The following PHACTR2 variants were observed in gnomAD, a reference collection of about 807,000 sequenced individuals.
PHACTR2 encodes phosphatase and actin regulator 2.
Under a neutral mutation model 76.0 loss-of-function variants are expected in PHACTR2, and 30 were observed. The observed-to-expected ratio is 0.39, with a 90% CI of 0.30 to 0.54. The LOEUF is 0.54. PHACTR2 is among the 20% of genes least tolerant of loss of function. The probability of loss-of-function intolerance (pLI) is 0.61; values close to 1 mark genes in which losing one functional copy is unlikely to be tolerated. For missense variants in PHACTR2, 696 were observed against 781.1 expected (o/e 0.89, Z 1.30); for synonymous variants, 292 against 292.5 (o/e 1.00, Z 0.02).
intron 1 of PHACTR2, among the ~76,000 whole-genome samples, chr6:143,538,852 A>T (rs760617317): frequency 6.6e-6 from 1 of 152,230 alleles, no homozygotes; most frequent in Non-Finnish European, 1.5e-5. Flanking sequence ...GAATAGAGGT[A>T]GTGGGATTTG....
Position 143,616,157 on chromosome 6 carries a change from A to G in PHACTR2, c.13+7835A>G, listed in dbSNP as rs893996731. Among the ~76,000 whole-genome samples the G allele has an allele frequency of 1.3e-5, 2 of 152,184 alleles. No individual in the cohort carries two copies. Among genetic ancestry groups the G allele is most frequent in the Non-Finnish European group, 2.9e-5 (2 of 68,044 alleles). ...TTTTTATAGATAATTCCCAACATCC[A>G]GCTATCTCCCCAAAATTATTTTGAA... On this transcript the variant is annotated intron_variant, in intron 1 of 11. Transcript: ENST00000305766. This position sits in a 1 kb window ranked among gnomAD's most constrained non-coding sequence, Gnocchi z 4.9.
Position 143,679,910 on chromosome 6 carries a change from G to A in PHACTR2, c.46+1701G>A, listed in dbSNP as rs1777347332. Among the ~76,000 whole-genome samples, 1 of 152,154 alleles carries A rather than the reference G, an allele frequency of 6.6e-6. No homozygotes were observed. The highest frequency in any genetic ancestry group is 2.1e-4 in the South Asian group (1 of 4,832). On this transcript the variant is annotated intron_variant, in intron 1 of 12. Transcript: ENST00000440869. The surrounding 1 kb of genome is among the most constrained non-coding windows in gnomAD (Gnocchi z 4.6). The stretch of plus-strand genomic sequence containing the variant: ...TCAGAGAAATATCTCACGGAACGGT[G>A]TTATACTTAAATTGCAGGTCCTCAG...
At chr6:143,813,816 T>C (rs1041559126) in intron 12 of PHACTR2, among the ~76,000 whole-genome samples, 3 of 152,152 alleles carry the variant, frequency 2.0e-5, no homozygotes, top group Non-Finnish European at 4.4e-5. Context: ...TTTCTCATGT[T>C]GAGACTGAGA....
At position 143,823,136 on chromosome 6, in the gene PHACTR2, A is replaced by G. The variant is rs1417662074; in HGVS notation, c.1923-538A>G. Among the ~76,000 whole-genome samples the G allele has an allele frequency of 6.6e-6, 1 of 152,260 alleles. No individual in the cohort carries two copies. The highest frequency in any genetic ancestry group is 2.1e-4 in the South Asian group (1 of 4,834). On this transcript the variant is annotated intron_variant, in intron 12 of 12. Coordinates refer to ENST00000440869, the MANE Select transcript of PHACTR2 (RefSeq NM_001100164.2). This position sits in a 1 kb window ranked among gnomAD's most constrained non-coding sequence, Gnocchi z 5.7. ...CAGGTTAACAAGGAAAGCTTTGTAT[A>G]GTTGTGGACATGCTTAGTATATACC...
Position 143,621,770 on chromosome 6 carries a change from T to G in PHACTR2, c.13+13448T>G, listed in dbSNP as rs1364145112. Among the ~76,000 whole-genome samples, 1 of 152,200 alleles carries G rather than the reference T, an allele frequency of 6.6e-6. No individual in the cohort carries two copies. Among genetic ancestry groups the G allele is most frequent in the Non-Finnish European group, 1.5e-5 (1 of 68,028 alleles). ...AGTATTATGTAACATAGATTCATTT[T>G]GCACCTACGTGGACTTTAAATCTTT... On this transcript the variant is annotated intron_variant, in intron 1 of 11. Coordinates refer to the PHACTR2 transcript ENST00000305766. This position sits in a 1 kb window ranked among gnomAD's most constrained non-coding sequence, Gnocchi z 4.1.
chr6:143,617,380 C>T lies in PHACTR2; in HGVS notation c.13+9058C>T, dbSNP rs1776074497. Among the ~76,000 whole-genome samples, 1 of 152,196 alleles carries T rather than the reference C, an allele frequency of 6.6e-6. No individual in the cohort carries two copies. The highest frequency in any genetic ancestry group is 6.5e-5 in the Admixed American group (1 of 15,278). ...TTGAGGGCAGATGCCACATCATAGA[C>T]ATCTTTTATGTCTTCCAAAGAGTTA... On this transcript the variant is annotated intron_variant, in intron 1 of 11. Transcript: ENST00000305766. The surrounding 1 kb of genome is among the most constrained non-coding windows in gnomAD (Gnocchi z 4.8).
chr6:143,813,864 AG>A (rs1378152938), intron 12 of PHACTR2, among the ~76,000 whole-genome samples: 5 of 152,126 alleles, frequency 3.3e-5, no homozygotes, highest in Admixed American at 3.3e-4. Context: ...CCTGGGTGTT[AG>A]GGGCACTGAT....
Position 143,659,725 on chromosome 6 carries a change from G to A in PHACTR2, c.13+51403G>A, listed in dbSNP as rs183438700. Among the ~76,000 whole-genome samples, 3 of 152,200 alleles carry A rather than the reference G, an allele frequency of 2.0e-5. No homozygotes were observed. Among genetic ancestry groups the A allele is most frequent in the East Asian group, 3.9e-4 (2 of 5,178 alleles). On this transcript the variant is annotated intron_variant, in intron 1 of 11. Transcript: ENST00000305766. This position sits in a 1 kb window ranked among gnomAD's most constrained non-coding sequence, Gnocchi z 5.0. ...CACATCTGTCCACCATGCTCCCAAT[G>A]GTAAGAAGCATTTATTGTAGTACCT...
At chr6:143,566,554 T>C (rs1775365820) in intron 1 of PHACTR2, among the ~76,000 whole-genome samples, 1 of 152,166 alleles carries the variant, frequency 6.6e-6, no homozygotes, top group Non-Finnish European at 1.5e-5. Flanking sequence ...TCCTCCTACC[T>C]TGGCTTTCCA....
At chr6:143,660,995 G>A (rs1776937451) in intron 1 of PHACTR2, among the ~76,000 whole-genome samples, 1 of 152,202 alleles carries the variant, frequency 6.6e-6, no homozygotes, top group African/African-American at 2.4e-5. Flanking sequence ...AGTAGCTGCA[G>A]TGTTGGCAAG....
rs922962266 is a variant in PHACTR2 at position 143,695,953 on chromosome 6, C to T, written c.47-16063C>T. On this transcript the variant is annotated intron_variant, in intron 1 of 12. Transcript: ENST00000440869. The surrounding 1 kb of genome is among the most constrained non-coding windows in gnomAD (Gnocchi z 4.4). ...CTAAATAGCGCCTAATCAGTTTCACCTTGATTTACTAAGCGTTGTATTAAT... is the reference window on the plus strand; with the variant it reads ...CTAAATAGCGCCTAATCAGTTTCACTTTGATTTACTAAGCGTTGTATTAAT... Among the ~76,000 whole-genome samples, 8 of 152,214 alleles carry T rather than the reference C, an allele frequency of 5.3e-5. No homozygotes were observed. Among genetic ancestry groups the T allele is most frequent in the African/African-American group, 1.9e-4 (8 of 41,460 alleles).
chr6:143,675,469 A>G (rs567327624), upstream of PHACTR2, among the ~76,000 whole-genome samples: 7 of 152,314 alleles, frequency 4.6e-5, no homozygotes, highest in African/African-American at 1.7e-4. This position sits in a 1 kb window ranked among gnomAD's most constrained non-coding sequence, Gnocchi z 4.9. Context: ...TAGCTGGTTG[A>G]AGGCCTGTAG....
rs1779268486 is a variant in PHACTR2, at chr6:143,755,026, T to A, written c.454+1114T>A. On this transcript the variant is annotated intron_variant, in intron 4 of 12. Coordinates refer to ENST00000440869, the MANE Select transcript of PHACTR2 (RefSeq NM_001100164.2). The surrounding 1 kb of genome is among the most constrained non-coding windows in gnomAD (Gnocchi z 5.2). ...AGTTCATAACCGTTCATTATTTGCA[T>A]ATATATTAGCCTTTAAAAGTTTTAG... Among the ~76,000 whole-genome samples the A allele has an allele frequency of 6.6e-6, 1 of 152,252 alleles. No homozygotes were observed. Among genetic ancestry groups the A allele is most frequent in the African/African-American group, 2.4e-5 (1 of 41,464 alleles).
intron 1 of PHACTR2, among the ~76,000 whole-genome samples, chr6:143,660,051 A>T (rs1377829899): frequency 6.6e-6 from 1 of 152,142 alleles, no homozygotes; most frequent in Non-Finnish European, 1.5e-5. Flanking sequence ...GCATTAAAAA[A>T]CTTAAGTGCT....
At chr6:143,715,513 C>T (rs1313658728) in intron 2 of PHACTR2, among the ~76,000 whole-genome samples, 1 of 152,192 alleles carries the variant, frequency 6.6e-6, no homozygotes, top group African/African-American at 2.4e-5. Context: ...AAAATCCATT[C>T]ATATGGTCTA....
intron 2 of PHACTR2, among the ~76,000 whole-genome samples, chr6:143,746,645 C>T (rs1779072892): frequency 6.6e-6 from 1 of 152,108 alleles, no homozygotes; most frequent in Non-Finnish European, 1.5e-5. Context: ...TTTTACAATC[C>T]GTAGGAGGCT....
At chr6:143,687,872 G>A (rs1175055643) in intron 1 of PHACTR2, among the ~76,000 whole-genome samples, 4 of 152,216 alleles carry the variant, frequency 2.6e-5, no homozygotes, top group African/African-American at 4.8e-5. Flanking sequence ...TATTAAGAAG[G>A]AGAAGAGTGG....
rs1775963572 is a variant in PHACTR2, at chr6:143,610,826, A to G, written c.13+2504A>G. Among the ~76,000 whole-genome samples, 2 of 152,228 alleles carry G rather than the reference A, an allele frequency of 1.3e-5. No homozygotes were observed. Among genetic ancestry groups the G allele is most frequent in the South Asian group, 4.1e-4 (2 of 4,834 alleles). On this transcript the variant is annotated intron_variant, in intron 1 of 11. Coordinates refer to the PHACTR2 transcript ENST00000305766. The surrounding 1 kb of genome is among the most constrained non-coding windows in gnomAD (Gnocchi z 4.9). ...TATTCCTTTAAAAGCTTTTCCTGGA[A>G]TAACAATAAAATATTTATCAAACTG...
rs373300075 is a variant in PHACTR2 at position 143,616,407 on chromosome 6, G to C, written c.13+8085G>C. Among the ~76,000 whole-genome samples, 19 of 152,222 alleles carry C rather than the reference G, an allele frequency of 1.2e-4. No homozygotes were observed. The highest frequency in any genetic ancestry group is 3.9e-4 in the African/African-American group (16 of 41,532). On this transcript the variant is annotated intron_variant, in intron 1 of 11. Coordinates refer to the PHACTR2 transcript ENST00000305766. This position sits in a 1 kb window ranked among gnomAD's most constrained non-coding sequence, Gnocchi z 4.9. ...TTTGACTTATTAACCTGTATCTTCTGTTATTTTCCATGTATCCTCTACATC... is the reference window on the plus strand; with the variant it reads ...TTTGACTTATTAACCTGTATCTTCTCTTATTTTCCATGTATCCTCTACATC...
Sources: gnomAD v4.1 joint callset for allele counts (sites outside exome capture counted in the v4.1 genomes callset) on GRCh38, gnomAD v4.1.1 for gene constraint, Gnocchi (gnomAD v3.1) non-coding constraint, MANE v1.5 for transcripts, NCBI Gene and HGNC (gene_info 2026-07-23, HGNC 2026-07-21) for gene names.